The following ROCK1 variants were observed in gnomAD, a reference collection of about 807,000 sequenced individuals.
ROCK1 encodes rho-associated protein kinase 1.
ROCK1 carries 36 observed loss-of-function variants against 196.8 expected under a neutral mutation model. The ratio of observed to expected loss-of-function variants is 0.18; its 90% CI spans 0.14 to 0.24. The LOEUF (loss-of-function observed/expected upper bound fraction) is 0.24. Ranked by LOEUF, ROCK1 falls within the 10% of genes least tolerant of loss-of-function variation. The pLI is 1.00. For missense variants in ROCK1, 920 were observed against 1,562.0 expected (o/e 0.59, Z 6.93); for synonymous variants, 443 against 515.9 (o/e 0.86, Z 1.91).
chr18:20,976,642 ACT>A (rs2035483635), intron 22 of ROCK1, among the ~76,000 whole-genome samples: 1 of 152,168 alleles, frequency 6.6e-6, no homozygotes, highest in South Asian at 2.1e-4. Context: ...GAGTTTATAA[ACT>A]CTGAGATACA....
chr18:21,085,343 CAAAA>C (rs369750551), intron 1 of ROCK1, among the ~76,000 whole-genome samples: 2 of 78,022 alleles, frequency 2.6e-5, no homozygotes, highest in East Asian at 8.8e-4. Flanking sequence ...AACCCCATTT[CAAAA>C]AAAAAAAAAA....
intron 1 of ROCK1, among the ~76,000 whole-genome samples, chr18:21,098,177 G>A (rs549706062): frequency 1.9e-4 from 29 of 152,150 alleles, no homozygotes; most frequent in Non-Finnish European, 3.2e-4. Context: ...TTTAAAAGCT[G>A]AAGAGATATT....
intron 1 of ROCK1, among the ~76,000 whole-genome samples, chr18:21,105,312 T>C (rs1468347320): frequency 5.3e-5 from 8 of 152,194 alleles, no homozygotes; most frequent in Non-Finnish European, 1.0e-4. Context: ...GGAGAGTAAC[T>C]TGTTTTTTTA....
At chr18:21,076,579 A>G (rs1383424447) in intron 1 of ROCK1, among the ~76,000 whole-genome samples, 3 of 152,064 alleles carry the variant, frequency 2.0e-5, no homozygotes, top group Non-Finnish European at 4.4e-5. Flanking sequence ...CACACATAAA[A>G]ATTTTTGTAT....
intron 21 of ROCK1, 70 bp downstream of exon 21, chr18:20,982,693 A>C: frequency 1.4e-6 from 1 of 739,912 alleles, no homozygotes. Flanking sequence ...GTTCACATAA[A>C]AGAATCTAAA....
intron 2 of ROCK1, among the ~76,000 whole-genome samples, chr18:21,057,680 G>A (rs1252433907): frequency 6.6e-6 from 1 of 152,038 alleles, no homozygotes; most frequent in Non-Finnish European, 1.5e-5. Context: ...AAATTAGCCG[G>A]CACGGTGGTG....
chr18:21,048,817 T>C (rs1370995214), intron 4 of ROCK1, among the ~76,000 whole-genome samples: 1 of 152,150 alleles, frequency 6.6e-6, no homozygotes, highest in Non-Finnish European at 1.5e-5. Flanking sequence ...CCCAAAGTAT[T>C]CAGATAACAG....
intron 13 of ROCK1, among the ~76,000 whole-genome samples, chr18:21,013,515 T>C (rs1296508155): frequency 2.0e-5 from 3 of 152,210 alleles, no homozygotes; most frequent in Non-Finnish European, 4.4e-5. Flanking sequence ...CTCCCTACCA[T>C]GTCTCTTTGA....
chr18:21,046,086 A>G (rs1158897683), intron 4 of ROCK1, among the ~76,000 whole-genome samples: 2 of 151,580 alleles, frequency 1.3e-5, no homozygotes, highest in African/African-American at 4.9e-5. Flanking sequence ...AATTTTTTGC[A>G]TTTTTAGTAG....
chr18:20,971,477 CCCCATAATCCCAG>C (rs1348903324), intron 22 of ROCK1, among the ~76,000 whole-genome samples: 1 of 151,800 alleles, frequency 6.6e-6, no homozygotes, highest in African/African-American at 2.4e-5. Context: ...AGTGGCTCAC[CCCCATAATCCCAG>C]CCCTTTGGGA....
chr18:20,959,099 T>TATATTATATATAATATATATA (rs2035291786), intron 29 of ROCK1, among the ~76,000 whole-genome samples: 2 of 19,658 alleles, frequency 1.0e-4, no homozygotes, highest in African/African-American at 4.3e-4. Flanking sequence ...ATATAATATA[T>TATATTATATATAATATATATA]ATATTATATA....
At chr18:21,012,611 A>G (rs1382749751) in intron 13 of ROCK1, among the ~76,000 whole-genome samples, 2 of 151,566 alleles carry the variant, frequency 1.3e-5, no homozygotes, top group African/African-American at 4.9e-5. Context: ...CTTGGTGTGG[A>G]TATCTTTGGG....
rs1254364548 is a variant in ROCK1 at position 21,006,611 on chromosome 18, A to C, written c.1639-14T>G. On this transcript the variant is annotated splice_polypyrimidine_tract_variant and intron_variant, in intron 15 of 32. Transcript: ENST00000399799. ...GGCTTCTTCTAGCTATTTAAAAAGA[A>C]AGCAAAAAAATAGGTTTCTGACCAA... The C allele has an allele frequency of 6.2e-7, 1 of 1,603,934 alleles. No homozygotes were observed. Among genetic ancestry groups the C allele is most frequent in the Non-Finnish European group, 8.5e-7 (1 of 1,177,216 alleles).
intron 10 of ROCK1, among the ~76,000 whole-genome samples, chr18:21,026,576 G>A (rs1252926584): frequency 6.6e-6 from 1 of 151,278 alleles, no homozygotes; most frequent in African/African-American, 2.4e-5. Context: ...AAAAAGATAA[G>A]TGCCAGCTAT....
At chr18:21,031,326 C>T (rs576287780) in intron 9 of ROCK1, among the ~76,000 whole-genome samples, 1 of 152,138 alleles carries the variant, frequency 6.6e-6, no homozygotes, top group South Asian at 2.1e-4. Context: ...TAGAAACCAC[C>T]AGGCGTGGTG....
intron 2 of ROCK1, among the ~76,000 whole-genome samples, chr18:21,063,207 C>A (rs886776637): frequency 3.9e-5 from 6 of 152,062 alleles, no homozygotes; most frequent in Non-Finnish European, 8.8e-5. Flanking sequence ...TCTTAACGTC[C>A]CCACCTACTA....
intron 13 of ROCK1, among the ~76,000 whole-genome samples, chr18:21,009,817 C>G (rs1213116002): frequency 6.6e-6 from 1 of 152,168 alleles, no homozygotes; most frequent in Non-Finnish European, 1.5e-5. Context: ...ATGTGAACCT[C>G]TTTTCATAGG....
chr18:21,045,024 G>GTTT (rs74173710), intron 5 of ROCK1: 14 of 153,162 alleles, frequency 9.1e-5, no homozygotes, highest in South Asian at 4.0e-4. Flanking sequence ...CCACACCTGT[G>GTTT]TTTTTTTTTT....
At chr18:21,040,667 G>A (rs181828036) in intron 8 of ROCK1, among the ~76,000 whole-genome samples, 1 of 152,100 alleles carries the variant, frequency 6.6e-6, no homozygotes, top group Non-Finnish European at 1.5e-5. Flanking sequence ...TCCGGCACAT[G>A]GTACTTATCT....
Sources: allele counts gnomAD v4.1 joint callset (sites outside exome capture counted in the v4.1 genomes callset), GRCh38; gene constraint gnomAD v4.1.1; transcripts MANE v1.5; gene names NCBI Gene and HGNC (gene_info 2026-07-23, HGNC 2026-07-21).